The following HMCN1 variants were observed in gnomAD, a reference collection of about 807,000 sequenced individuals.
The protein encoded by HMCN1 is hemicentin-1.
Under a neutral mutation model 625.9 loss-of-function variants are expected in HMCN1, and 321 were observed. The ratio of observed to expected loss-of-function variants is 0.51; its 90% CI spans 0.47 to 0.56. The LOEUF (loss-of-function observed/expected upper bound fraction) is 0.56, where lower values mean the gene tolerates loss of function less well. Among genes scored for constraint, HMCN1 ranks in the 20% least tolerant of loss-of-function variants. The probability of loss-of-function intolerance (pLI) is 0.00; values close to 1 mark genes in which losing one functional copy is unlikely to be tolerated. For missense variants in HMCN1, 6,588 were observed against 6,887.3 expected, an observed-to-expected ratio of 0.96 and a Z score of 1.54; for synonymous variants, 2,425 against 2,417.6, an observed-to-expected ratio of 1.00 and a Z score of -0.09.
chr1:185,984,457 TTGTTAA>T, intron 19 of HMCN1, 144 bp downstream of exon 19: 1 of 871,442 alleles, frequency 1.1e-6, no homozygotes, highest in Non-Finnish European at 1.9e-6. Flanking sequence ...AATATCTACA[TTGTTAA>T]TGTTGTTTCC....
At position 186,090,829 on chromosome 1, in the gene HMCN1, G is replaced by A. The variant is rs1452862430; in HGVS notation, c.9799G>A (p.Val3267Ile). 1 of 1,612,598 alleles carries A rather than the reference G, an allele frequency of 6.2e-7. No homozygotes were observed. The highest frequency in any genetic ancestry group is 1.1e-5 in the South Asian group (1 of 91,056). ...CCTTCTAGGAGAAAATGTTGAGCTG[G>A]TCTGCAATGCAAATGGCATTCCTAC... is the stretch of plus-strand genomic sequence containing the variant. Reference protein sequence around the residue: ...SVLLGENVELVCNANGIPTPL... With the variant: ...SVLLGENVELICNANGIPTPL... Residue 3267 changes from valine to isoleucine, a missense_variant, in exon 64 of 107, where the codon GTC (valine) becomes ATC (isoleucine). Physicochemically the swap from Val to Ile is conservative, Grantham distance 29. This residue lies in a region of HMCN1 where 4,628 missense variants were observed against 4,853.1 expected (regional missense o/e 0.95). Coordinates refer to ENST00000271588, the MANE Select transcript of HMCN1 (RefSeq NM_031935.3).
chr1:185,942,006 C>T (rs1668103831), intron 11 of HMCN1, among the ~76,000 whole-genome samples: 1 of 151,806 alleles, frequency 6.6e-6, no homozygotes, highest in East Asian at 1.9e-4. Context: ...AGCCTGACAA[C>T]ATGGTGAAAC....
intron 36 of HMCN1, among the ~76,000 whole-genome samples, chr1:186,025,677 T>C (rs565742364): frequency 2.0e-5 from 3 of 152,296 alleles, no homozygotes; most frequent in South Asian, 4.1e-4. Context: ...TTGAATATTA[T>C]AGCAAAATGT....
intron 19 of HMCN1, among the ~76,000 whole-genome samples, chr1:185,985,387 G>T (rs939286642): frequency 1.3e-5 from 2 of 152,116 alleles, no homozygotes; most frequent in African/African-American, 4.8e-5. Flanking sequence ...AGAATCTAGT[G>T]TGGGAGTGCC....
chr1:185,905,789 AT>A (rs1666066939), intron 4 of HMCN1, among the ~76,000 whole-genome samples: 2 of 151,794 alleles, frequency 1.3e-5, no homozygotes, highest in South Asian at 4.1e-4. Flanking sequence ...TTATGTAAAA[AT>A]ATAACTATTG....
intron 1 of HMCN1, among the ~76,000 whole-genome samples, chr1:185,801,243 CAGAA>C (rs1210975958): frequency 2.6e-5 from 4 of 152,112 alleles, no homozygotes; most frequent in Non-Finnish European, 5.9e-5. Context: ...AGTGCCAAAA[CAGAA>C]AGAAGTCGGT....
chr1:185,919,531 C>T (rs1396150638), intron 6 of HMCN1, among the ~76,000 whole-genome samples: 1 of 152,174 alleles, frequency 6.6e-6, no homozygotes, highest in Non-Finnish European at 1.5e-5. Context: ...TCCTTGGCCA[C>T]CACCCCCTTG....
intron 24 of HMCN1, among the ~76,000 whole-genome samples, chr1:185,995,572 C>T (rs964675059): frequency 1.3e-5 from 2 of 152,050 alleles, no homozygotes; most frequent in African/African-American, 4.8e-5. Context: ...CATGTTTAGG[C>T]GGTGATGAGA....
At chr1:185,908,915 G>A (rs112856889) in intron 4 of HMCN1, among the ~76,000 whole-genome samples, 4,612 of 151,206 alleles carry the variant, frequency 0.031, 254 homozygotes, top group African/African-American at 0.11. Context: ...TTGCTAAGTG[G>A]GTTTCTTTTA....
intron 11 of HMCN1, among the ~76,000 whole-genome samples, chr1:185,946,939 G>A (rs1668379396): frequency 6.6e-6 from 1 of 152,158 alleles, no homozygotes; most frequent in Admixed American, 6.5e-5. Flanking sequence ...TTAAGAGTCT[G>A]TCATTAAAAT....
At chr1:185,994,287 G>A (rs1200731206) in intron 23 of HMCN1, among the ~76,000 whole-genome samples, 4 of 152,174 alleles carry the variant, frequency 2.6e-5, no homozygotes, top group Non-Finnish European at 4.4e-5. Flanking sequence ...GAAGGAAGTC[G>A]ATAAAAGGAA....
At chr1:185,812,064 A>T (rs1659554046) in intron 1 of HMCN1, among the ~76,000 whole-genome samples, 1 of 152,158 alleles carries the variant, frequency 6.6e-6, no homozygotes, top group Admixed American at 6.6e-5. Flanking sequence ...TAACTTACCC[A>T]GTCAGCTATT....
chr1:186,137,975 G>A lies in HMCN1; in HGVS notation c.13924+3G>A. ...GTGCAACATTAGGCCTTGCCCAGGT[G>A]AGAAACCACCAATAATGCTAAGATA... is the stretch of plus-strand genomic sequence containing the variant. On this transcript the variant is annotated splice_donor_region_variant and intron_variant, in intron 89 of 106. Coordinates refer to ENST00000271588, the MANE Select transcript of HMCN1 (RefSeq NM_031935.3). 6.2e-7 allele frequency: 1 copy of A among 1,613,906 alleles called. No individual in the cohort carries two copies. Among genetic ancestry groups the A allele is most frequent in the Non-Finnish European group, 8.5e-7 (1 of 1,179,902 alleles).
rs763721030 is a variant in HMCN1, at chr1:185,933,800, G to A, written c.1804G>A (p.Ala602Thr). ...MVSSEGGSSAASVFLTVQEPP... is the reference protein window; with the variant it reads ...MVSSEGGSSATSVFLTVQEPP... The stretch of plus-strand genomic sequence containing the variant: ...TTCTAGTGAAGGTGGATCATCAGCC[G>A]CTTCAGTTTTCCTCACAGTGCAAGG... Residue 602 changes from alanine to threonine, a missense_variant, in exon 11 of 107, where the codon GCT (alanine) becomes ACT (threonine). Physicochemically the swap from Ala to Thr is moderately conservative, Grantham distance 58 (BLOSUM62 0). Transcript: ENST00000271588. 45 of 1,613,652 alleles carry A rather than the reference G, an allele frequency of 2.8e-5. No individual in the cohort carries two copies. Among genetic ancestry groups the A allele is most frequent in the South Asian group, 1.8e-4 (16 of 91,084 alleles).
chr1:186,015,913 G>T, intron 31 of HMCN1, 45 bp from the exon 32 acceptor site: 1 of 1,551,266 alleles, frequency 6.4e-7, no homozygotes, highest in South Asian at 1.1e-5. Context: ...TGTATTTTGT[G>T]ACCACACAAA....
chr1:186,143,906 A>T (rs1405385880), intron 89 of HMCN1, among the ~76,000 whole-genome samples: 1 of 152,248 alleles, frequency 6.6e-6, no homozygotes, highest in African/African-American at 2.4e-5. Context: ...GAGTAAATTT[A>T]ATTGTAATAA....
intron 11 of HMCN1, among the ~76,000 whole-genome samples, chr1:185,949,952 G>A (rs1484830846): frequency 1.4e-5 from 2 of 142,346 alleles, no homozygotes; most frequent in Non-Finnish European, 1.6e-5. Context: ...GAAAGGAAAT[G>A]AGAGGTTCTA....
At chr1:186,172,168 T>A in intron 102 of HMCN1, 37 bp downstream of exon 102, 1 of 1,612,434 alleles carries the variant, frequency 6.2e-7, no homozygotes, top group Non-Finnish European at 8.5e-7. Flanking sequence ...GAGATCAGTT[T>A]GCCGTCAACA....
chr1:185,945,631 C>T (rs527944655), intron 11 of HMCN1, among the ~76,000 whole-genome samples: 1 of 152,250 alleles, frequency 6.6e-6, no homozygotes, highest in Non-Finnish European at 1.5e-5. Context: ...TTGAGAAGGG[C>T]TTTGCAGAGG....
Sources: allele counts gnomAD v4.1 joint callset (sites outside exome capture counted in the v4.1 genomes callset), GRCh38; gene constraint gnomAD v4.1.1; regional missense constraint gnomAD v4.1.1; transcripts MANE v1.5; gene names NCBI Gene and HGNC (gene_info 2026-07-23, HGNC 2026-07-21).